HDGFL3: variants seen among roughly 807,000 people sequenced by gnomAD.
The protein encoded by HDGFL3 is hepatoma-derived growth factor-related protein 3.
In HDGFL3, 6 loss-of-function variants were observed where a neutral mutation model predicts 27.6. The ratio of observed to expected loss-of-function variants is 0.22; its 90% CI spans 0.12 to 0.43. The LOEUF (loss-of-function observed/expected upper bound fraction) is 0.43, where lower values mean the gene tolerates loss of function less well. Among genes scored for constraint, HDGFL3 ranks in the 20% least tolerant of loss-of-function variants. The probability of loss-of-function intolerance (pLI) is 1.00; values close to 1 mark genes in which losing one functional copy is unlikely to be tolerated. For synonymous variants in HDGFL3, 88 were observed against 88.9 expected (o/e 0.99, Z 0.05); for missense variants, 207 against 250.1 (o/e 0.83, Z 1.16).
intron 1 of HDGFL3, among the ~76,000 whole-genome samples, chr15:83,164,794 C>G (rs530130793): frequency 6.6e-6 from 1 of 152,316 alleles, no homozygotes; most frequent in East Asian, 1.9e-4. Flanking sequence ...CCTTAGAATA[C>G]TATATAATTA....
chr15:83,202,155 T>C (rs2037655042), intron 1 of HDGFL3, among the ~76,000 whole-genome samples: 1 of 152,046 alleles, frequency 6.6e-6, no homozygotes, highest in South Asian at 2.1e-4. Flanking sequence ...TAATAAAGGG[T>C]ATGGAAACAC....
At chr15:83,195,003 T>C (rs2151421192) in intron 1 of HDGFL3, among the ~76,000 whole-genome samples, 1 of 152,324 alleles carries the variant, frequency 6.6e-6, no homozygotes, top group African/African-American at 2.4e-5. Context: ...TATCTCTTTC[T>C]AATGGTAAGA....
At chr15:83,203,583 C>G (rs964262157) in intron 1 of HDGFL3, among the ~76,000 whole-genome samples, 3 of 152,012 alleles carry the variant, frequency 2.0e-5, no homozygotes, top group Non-Finnish European at 2.9e-5. Flanking sequence ...GCTGACACTT[C>G]TATTCTAGAA....
intron 1 of HDGFL3, among the ~76,000 whole-genome samples, chr15:83,172,145 G>A (rs1045555144): frequency 6.6e-6 from 1 of 152,160 alleles, no homozygotes; most frequent in Admixed American, 6.5e-5. Context: ...ACTTTTCAGA[G>A]GTGATTAGGC....
In HDGFL3 at chr15:83,144,126, A is replaced by C. The variant is rs79610619; in HGVS notation, c.607-4851T>G. ...TTTCACTGCAGCCCTCCTGGACTCA[A>C]GCAATTCTCCCGCCTCAGCCCCCCA... On this transcript the variant is annotated intron_variant, in intron 5 of 5. Coordinates refer to ENST00000299633, the MANE Select transcript of HDGFL3 (RefSeq NM_016073.4). 3.5e-3 allele frequency among the ~76,000 whole-genome samples: 538 copies of C among 152,208 alleles called. 1 individual carries two copies. Among genetic ancestry groups the C allele is most frequent in the African/African-American group, 0.012 (498 of 41,524 alleles).
downstream of HDGFL3, chr15:83,126,810 C>T: frequency 6.2e-7 from 1 of 1,613,852 alleles, no homozygotes; most frequent in Non-Finnish European, 8.5e-7. Flanking sequence ...TTTCAAGAGC[C>T]CTATCTAAAG....
chr15:83,131,639 GAAAGA>G lies in HDGFL3; in HGVS notation c.*7626_*7630del, dbSNP rs1051157422. On this transcript the variant is annotated 3_prime_UTR_variant, in exon 6 of 6. Coordinates refer to ENST00000299633, the MANE Select transcript of HDGFL3 (RefSeq NM_016073.4). ...CAGAGCAAGACTGTCTCAAAAAAAA[GAAAGA>G]AAAAAGAGTGAGTAGTTATTGGGGC... 2.0e-5 allele frequency: 3 copies of G among 152,092 alleles called. No homozygotes were observed. The highest frequency in any genetic ancestry group is 7.3e-5 in the African/African-American group (3 of 41,356). The allele number at this position is 152,092 out of a possible 1,614,324, so 9.4% of individuals were successfully genotyped here. A position where few individuals can be genotyped will look rare whatever the true frequency, so the allele number is the denominator to read the frequency against.
At chr15:83,171,927 G>T (rs1256609774) in intron 1 of HDGFL3, among the ~76,000 whole-genome samples, 1 of 152,166 alleles carries the variant, frequency 6.6e-6, no homozygotes, top group East Asian at 1.9e-4. Context: ...TATGAACATG[G>T]TGGTTTCCTC....
At position 83,164,029 on chromosome 15, in the gene HDGFL3, T is replaced by C. The variant is rs1449599571; in HGVS notation, c.131A>G (p.Tyr44Cys). ...ATGGGTGCCAAAAAAGAAGATAGGATACTTGTTTGCTGGAGGCTTCACAGC... is the reference window on the plus strand; with the variant it reads ...ATGGGTGCCAAAAAAGAAGATAGGACACTTGTTTGCTGGAGGCTTCACAGC... ...EGAVKPPANK[Y>C]PIFFFGTHET... The change falls in exon 2 of 6, where the codon TAT becomes TGT. Residue 44 changes from tyrosine to cysteine, a missense_variant. Transcript: ENST00000299633. 6 of 1,612,364 alleles carry C rather than the reference T, an allele frequency of 3.7e-6. No individual in the cohort carries two copies. Among genetic ancestry groups the C allele is most frequent in the Admixed American group, 1.7e-5 (1 of 59,588 alleles).
At chr15:83,176,849 A>C (rs2151413589) in intron 1 of HDGFL3, among the ~76,000 whole-genome samples, 1 of 151,946 alleles carries the variant, frequency 6.6e-6, no homozygotes, top group Admixed American at 6.5e-5. Flanking sequence ...GGTTTCCCTA[A>C]TTCTTAAAAA....
chr15:83,180,971 T>A (rs568144842), intron 1 of HDGFL3: 1 of 152,098 alleles, frequency 6.6e-6, no homozygotes, highest in Non-Finnish European at 1.5e-5. Context: ...TTAAAAGAAC[T>A]GCAAGCATGA....
intron 1 of HDGFL3, among the ~76,000 whole-genome samples, chr15:83,177,355 T>G (rs1306620117): frequency 1.3e-5 from 2 of 152,248 alleles, no homozygotes; most frequent in Non-Finnish European, 2.9e-5. Context: ...TAAGCAAATG[T>G]TTTATTTTTC....
chr15:83,170,154 TA>T (rs2037228580), intron 1 of HDGFL3, among the ~76,000 whole-genome samples: 1 of 152,164 alleles, frequency 6.6e-6, no homozygotes, highest in African/African-American at 2.4e-5. Context: ...CCCAAAGCAC[TA>T]AAGATTCAAT....
chr15:83,160,943 A>C (rs996471607), intron 2 of HDGFL3, among the ~76,000 whole-genome samples: 2 of 152,198 alleles, frequency 1.3e-5, no homozygotes, highest in African/African-American at 2.4e-5. Context: ...TTGCTCAGTC[A>C]GCATGATTCT....
intron 5 of HDGFL3, among the ~76,000 whole-genome samples, chr15:83,148,885 A>G (rs2036932418): frequency 6.6e-6 from 1 of 152,154 alleles, no homozygotes; most frequent in Non-Finnish European, 1.5e-5. Context: ...GCATGGGCAA[A>G]CATTTCAAAA....
intron 3 of HDGFL3, among the ~76,000 whole-genome samples, chr15:83,116,132 C>T (rs547391495): frequency 5.9e-5 from 9 of 152,348 alleles, no homozygotes; most frequent in Non-Finnish European, 1.3e-4. Flanking sequence ...TCACGAGAGG[C>T]AATTCTCTCC....
In HDGFL3 at chr15:83,164,367, CAAAAAAAAAAA is replaced by C. The variant is rs869303457; in HGVS notation, c.85-303_85-293del. 5.3e-3 allele frequency among the ~76,000 whole-genome samples: 202 copies of C among 38,402 alleles called. 3 individuals are homozygous for C. The highest frequency in any genetic ancestry group is 7.8e-3 in the African/African-American group (79 of 10,096). 25.2% of individuals were successfully genotyped at this position (38,402 alleles called of 152,430 possible). A position where few individuals can be genotyped will look rare whatever the true frequency, so the allele number is the denominator to read the frequency against. On this transcript the variant is annotated intron_variant, in intron 1 of 5. Transcript: ENST00000299633. Reference sequence around the variant, plus strand: ...TGTCCTAGTGAAAAATTAGAGTAACCAAAAAAAAAAAAAAAAAAAAAAAAAAAGAATACAAA... The same window carrying C: ...TGTCCTAGTGAAAAATTAGAGTAACCAAAAAAAAAAAAAAAAGAATACAAA...
chr15:83,184,664 T>G (rs1045914080), intron 1 of HDGFL3: 3 of 152,186 alleles, frequency 2.0e-5, no homozygotes, highest in Non-Finnish European at 4.4e-5. Context: ...CTGTTTGGTT[T>G]AATATATTAG....
intron 1 of HDGFL3, among the ~76,000 whole-genome samples, chr15:83,188,936 T>C (rs1448102341): frequency 6.6e-6 from 1 of 152,218 alleles, no homozygotes; most frequent in Non-Finnish European, 1.5e-5. Context: ...TTCAAGATTC[T>C]CCATGTGAGT....
Sources: gnomAD v4.1 joint callset for allele counts (sites outside exome capture counted in the v4.1 genomes callset) on GRCh38, gnomAD v4.1.1 for gene constraint, MANE v1.5 for transcripts, NCBI Gene and HGNC (gene_info 2026-07-23, HGNC 2026-07-21) for gene names.